The following SRGAP1 variants were observed in gnomAD, a reference collection of about 807,000 sequenced individuals.
The protein encoded by SRGAP1 is SLIT-ROBO Rho GTPase activating protein 1.
In SRGAP1, 43 loss-of-function variants were observed where a neutral mutation model predicts 121.9. That is an observed-to-expected ratio of 0.35 (90% CI 0.28 to 0.46). The LOEUF (loss-of-function observed/expected upper bound fraction) is 0.46. Among genes scored for constraint, SRGAP1 ranks in the 20% least tolerant of loss-of-function variants. The pLI is 1.00. For missense variants in SRGAP1, 1,102 were observed against 1,350.9 expected (o/e 0.82, Z 2.89); for synonymous variants, 447 against 485.4 (o/e 0.92, Z 1.04).
intron 1 of SRGAP1, among the ~76,000 whole-genome samples, chr12:63,922,077 C>T (rs1290419986): frequency 6.6e-6 from 1 of 151,724 alleles, no homozygotes; most frequent in African/African-American, 2.4e-5. Context: ...CTGCCGGCTT[C>T]CAGTGATTCT....
At chr12:64,135,405 T>G (rs1046156835) in intron 21 of SRGAP1, among the ~76,000 whole-genome samples, 2 of 152,190 alleles carry the variant, frequency 1.3e-5, no homozygotes, top group African/African-American at 4.8e-5. Flanking sequence ...TTAGCAGATT[T>G]GAGGTTCAGT....
At chr12:63,878,868 T>G (rs1238298291) in intron 1 of SRGAP1, 1 of 152,186 alleles carries the variant, frequency 6.6e-6, no homozygotes, top group African/African-American at 2.4e-5. Flanking sequence ...TTGCTGAGAA[T>G]TGAGTGAGCC....
At chr12:64,069,368 A>G (rs991080460) in intron 8 of SRGAP1, among the ~76,000 whole-genome samples, 15 of 152,248 alleles carry the variant, frequency 9.9e-5, no homozygotes, top group African/African-American at 3.1e-4. Context: ...GTGAAGATTC[A>G]TAAGAGATTG....
intron 1 of SRGAP1, among the ~76,000 whole-genome samples, chr12:63,848,026 A>ATATATAT (rs1266035796): frequency 9.0e-4 from 134 of 148,664 alleles, no homozygotes; most frequent in African/African-American, 3.2e-3. Context: ...TATATATATA[A>ATATATAT]AAGGAGTATC....
rs1006106912 is a variant in SRGAP1, at chr12:64,149,262, G to A, written c.*6590G>A. 6.6e-6 allele frequency: 1 copy of A among 152,132 alleles called. No individual in the cohort carries two copies. The highest frequency in any genetic ancestry group is 6.5e-5 in the Admixed American group (1 of 15,270). The allele number at this position is 152,132 out of a possible 1,614,324, so 9.4% of individuals were successfully genotyped here. On this transcript the variant is annotated 3_prime_UTR_variant, in exon 22 of 22. Coordinates refer to ENST00000355086, the MANE Select transcript of SRGAP1 (RefSeq NM_020762.4). The stretch of plus-strand genomic sequence containing the variant: ...GACCGGAAGGCCTACTCAAAGGCAA[G>A]GATACTTTTCTTTCTTTCCAAAAAA...
intron 18 of SRGAP1, among the ~76,000 whole-genome samples, chr12:64,116,829 T>C (rs556007747): frequency 6.6e-6 from 1 of 152,288 alleles, no homozygotes; most frequent in Admixed American, 6.5e-5. Context: ...TTGCTACTTA[T>C]AGTTCCCCAG....
In SRGAP1 at chr12:63,972,563, T is replaced by A. The variant is rs2032984667; in HGVS notation, c.68-11384T>A. Among the ~76,000 whole-genome samples, 4 of 152,228 alleles carry A rather than the reference T, an allele frequency of 2.6e-5. 1 individual carries two copies. The South Asian group carries it at 8.3e-4, about 31-fold the overall frequency. On this transcript the variant is annotated intron_variant, in intron 1 of 21. Transcript: ENST00000355086. ...CATTTTGATAACTTAGTATACTTAT[T>A]GAAACAGATGTACACCAGAGATAGT...
chr12:63,956,070 C>A (rs1440599322), intron 1 of SRGAP1, among the ~76,000 whole-genome samples: 2 of 151,878 alleles, frequency 1.3e-5, no homozygotes, highest in Non-Finnish European at 2.9e-5. Context: ...AGAGTGATTT[C>A]TTTTTTTTGA....
At chr12:63,993,087 G>A (rs1336144883) in intron 3 of SRGAP1, among the ~76,000 whole-genome samples, 1 of 152,174 alleles carries the variant, frequency 6.6e-6, no homozygotes, top group East Asian at 1.9e-4. Flanking sequence ...AGAGTTTACG[G>A]AGGAGTAAGA....
chr12:63,897,703 A>G (rs1236617268), intron 1 of SRGAP1, among the ~76,000 whole-genome samples: 2 of 152,302 alleles, frequency 1.3e-5, no homozygotes, highest in East Asian at 3.9e-4. Context: ...ACTTAGTAAA[A>G]TGTTTCTGCA....
intron 5 of SRGAP1, 104 bp from the exon 6 acceptor site, chr12:64,043,343 G>T: frequency 8.7e-7 from 1 of 1,150,308 alleles, no homozygotes; most frequent in South Asian, 1.7e-5. Context: ...ATTTGTATAT[G>T]TGGAATAAAT....
chr12:63,853,129 C>T (rs183572696), intron 1 of SRGAP1, among the ~76,000 whole-genome samples: 2 of 151,808 alleles, frequency 1.3e-5, no homozygotes, highest in African/African-American at 4.8e-5. Flanking sequence ...AAGCAATTCT[C>T]CTGCCTCAGA....
chr12:64,047,551 A>G (rs1352599979), intron 6 of SRGAP1, among the ~76,000 whole-genome samples: 2 of 152,210 alleles, frequency 1.3e-5, no homozygotes, highest in African/African-American at 4.8e-5. Context: ...ATGTGAAATG[A>G]CATGAAAGGC....
chr12:63,959,877 G>A (rs994995216), intron 1 of SRGAP1, among the ~76,000 whole-genome samples: 2 of 152,194 alleles, frequency 1.3e-5, no homozygotes, highest in Non-Finnish European at 2.9e-5. Flanking sequence ...AGGTGTGTGA[G>A]ATGTCAAAGC....
rs2037146492 is a variant in SRGAP1 at position 64,154,204 on chromosome 12, T to TAAA, written c.*11532_*11533insAAA. On this transcript the variant is annotated 3_prime_UTR_variant, in exon 22 of 22. Transcript: ENST00000355086. ...GTTTCAGTTTTGCAAGATAAAAAGT[T>TAAA]CTAAAGATCTGTTGTCCAACAATAT... is the stretch of plus-strand genomic sequence containing the variant. The TAAA allele has an allele frequency of 6.6e-6, 1 of 152,224 alleles. No homozygotes were observed. The highest frequency in any genetic ancestry group is 2.4e-5 in the African/African-American group (1 of 41,448). 9.4% of individuals were successfully genotyped at this position (152,224 alleles called of 1,614,324 possible). A position where few individuals can be genotyped will look rare whatever the true frequency, so the allele number is the denominator to read the frequency against.
intron 2 of SRGAP1, among the ~76,000 whole-genome samples, chr12:63,989,604 G>A (rs927783362): frequency 6.6e-6 from 1 of 152,230 alleles, no homozygotes; most frequent in African/African-American, 2.4e-5. Flanking sequence ...AGCGTTTAAA[G>A]CTGAGGGCCT....
chr12:64,087,534 G>A (rs1027049486), intron 11 of SRGAP1, among the ~76,000 whole-genome samples: 4 of 152,114 alleles, frequency 2.6e-5, no homozygotes, highest in East Asian at 1.9e-4. Flanking sequence ...AGGAGCTCAC[G>A]ACCAGCCTGG....
intron 12 of SRGAP1, among the ~76,000 whole-genome samples, chr12:64,094,713 G>A (rs1166144319): frequency 6.6e-6 from 1 of 152,074 alleles, no homozygotes; most frequent in Non-Finnish European, 1.5e-5. Flanking sequence ...TATTCATTTT[G>A]GTATGTAAGT....
chr12:64,161,456 T>G lies in SRGAP1; in HGVS notation c.*18784T>G, dbSNP rs1156571768. On this transcript the variant is annotated 3_prime_UTR_variant, in exon 22 of 22. Coordinates refer to ENST00000355086, the MANE Select transcript of SRGAP1 (RefSeq NM_020762.4). ...TCTGCTAACTCTTCTGTTAAGTACT[T>G]TATTTCTGCTCTCATGCTTTTAATT... 6.6e-6 allele frequency: 1 copy of G among 152,168 alleles called. No homozygotes were observed. The highest frequency in any genetic ancestry group is 2.4e-5 in the African/African-American group (1 of 41,456). 9.4% of individuals were successfully genotyped at this position (152,168 alleles called of 1,614,324 possible). A position where few individuals can be genotyped will look rare whatever the true frequency, so the allele number is the denominator to read the frequency against.
Sources: allele counts gnomAD v4.1 joint callset (sites outside exome capture counted in the v4.1 genomes callset), GRCh38; gene constraint gnomAD v4.1.1; transcripts MANE v1.5; gene names NCBI Gene and HGNC (gene_info 2026-07-23, HGNC 2026-07-21).